FRMD4A: variants seen among roughly 807,000 people sequenced by gnomAD.
The protein encoded by FRMD4A is FERM domain containing 4A.
In FRMD4A, 29 loss-of-function variants were observed where a neutral mutation model predicts 129.1. That is an observed-to-expected ratio of 0.22 (90% CI 0.17 to 0.31). The LOEUF (loss-of-function observed/expected upper bound fraction) is 0.31. FRMD4A is among the 10% of genes least tolerant of loss of function. FRMD4A has a pLI of 1.00. For missense variants in FRMD4A, 1,272 were observed against 1,375.8 expected (o/e 0.92, Z 1.19); for synonymous variants, 634 against 571.6 (o/e 1.11, Z -1.56).
chr10:13,909,187 C>T (rs980476757), intron 2 of FRMD4A, among the ~76,000 whole-genome samples: 87 of 152,296 alleles, frequency 5.7e-4, no homozygotes, highest in Non-Finnish European at 1.5e-4. Context: ...CTATGTGAGA[C>T]ACAGTATGTG....
chr10:14,255,874 C>T (rs930268404), intron 2 of FRMD4A, among the ~76,000 whole-genome samples: 4 of 151,788 alleles, frequency 2.6e-5, no homozygotes, highest in Non-Finnish European at 5.9e-5. Flanking sequence ...GGTGTGGTGG[C>T]CTGCACCTTT....
intron 2 of FRMD4A, among the ~76,000 whole-genome samples, chr10:14,229,563 G>A (rs1364079737): frequency 6.6e-6 from 1 of 151,906 alleles, no homozygotes; most frequent in Admixed American, 6.6e-5. Flanking sequence ...GCAGCCTCCC[G>A]AGTAGCTGGG....
intron 2 of FRMD4A, among the ~76,000 whole-genome samples, chr10:14,091,017 A>G (rs1836630230): frequency 6.6e-6 from 1 of 152,118 alleles, no homozygotes; most frequent in African/African-American, 2.4e-5. Context: ...CCTAGTCACT[A>G]TCCCAGGTCC....
chr10:13,795,574 TTC>T (rs2093097803), intron 5 of FRMD4A, among the ~76,000 whole-genome samples: 2 of 152,232 alleles, frequency 1.3e-5, no homozygotes, highest in African/African-American at 2.4e-5. Flanking sequence ...GCTCCTGAAT[TTC>T]TGTTAGTATA....
chr10:13,807,706 C>T (rs904384133), intron 4 of FRMD4A, among the ~76,000 whole-genome samples: 2 of 152,078 alleles, frequency 1.3e-5, no homozygotes, highest in East Asian at 1.9e-4. Flanking sequence ...TCTCCAGTTT[C>T]ATCTAGATCC....
At chr10:13,717,648 G>C (rs1352463158) in intron 12 of FRMD4A, among the ~76,000 whole-genome samples, 1 of 133,834 alleles carries the variant, frequency 7.5e-6, no homozygotes, top group Non-Finnish European at 1.6e-5. Flanking sequence ...ATCAGGGTTT[G>C]ACTACTTTGG....
At chr10:13,983,837 T>TA (rs397946522) in intron 2 of FRMD4A, among the ~76,000 whole-genome samples, 21,574 of 143,628 alleles carry the variant, frequency 0.15, 3,379 homozygotes, top group African/African-American at 0.39. Flanking sequence ...TCGTCTCTAC[T>TA]AAAAAAAAAA....
intron 2 of FRMD4A, among the ~76,000 whole-genome samples, chr10:14,222,010 C>CT (rs1186259105): frequency 6.6e-6 from 1 of 152,148 alleles, no homozygotes; most frequent in Non-Finnish European, 1.5e-5. Context: ...TTTGCGGTCT[C>CT]TGTCTTTTTA....
intron 2 of FRMD4A, among the ~76,000 whole-genome samples, chr10:14,040,280 C>T (rs905096001): frequency 2.6e-5 from 4 of 152,040 alleles, no homozygotes; most frequent in Non-Finnish European, 4.4e-5. Context: ...CTCCCTGTCA[C>T]CGAGAGAAAA....
chr10:14,252,142 T>C (rs987414094), intron 2 of FRMD4A, among the ~76,000 whole-genome samples: 3 of 152,322 alleles, frequency 2.0e-5, no homozygotes, highest in Admixed American at 2.0e-4. Flanking sequence ...TTTTATTATG[T>C]TTGTTTCAGC....
At chr10:14,008,696 C>G (rs2292368) in intron 2 of FRMD4A, among the ~76,000 whole-genome samples, 1 of 152,054 alleles carries the variant, frequency 6.6e-6, no homozygotes. Flanking sequence ...GAATCCTACA[C>G]TCTGATTTCA....
intron 2 of FRMD4A, among the ~76,000 whole-genome samples, chr10:14,140,733 T>C (rs559755953): frequency 1.3e-5 from 2 of 152,280 alleles, no homozygotes; most frequent in East Asian, 3.9e-4. Context: ...TCAAAATCTA[T>C]GGGAATGGAG....
chr10:13,774,959 A>C (rs201344485), intron 6 of FRMD4A, among the ~76,000 whole-genome samples: 18 of 150,896 alleles, frequency 1.2e-4, no homozygotes, highest in South Asian at 2.1e-4. Context: ...AGAAAAAAAA[A>C]AACAACAAAA....
chr10:13,869,098 C>T (rs994861061), intron 2 of FRMD4A, among the ~76,000 whole-genome samples: 1 of 152,182 alleles, frequency 6.6e-6, no homozygotes, highest in African/African-American at 2.4e-5. Context: ...ATTCGGTTTT[C>T]TCTGATCATG....
chr10:13,933,967 T>C (rs376172095), intron 2 of FRMD4A, among the ~76,000 whole-genome samples: 86 of 152,304 alleles, frequency 5.6e-4, no homozygotes, highest in African/African-American at 2.0e-3. Flanking sequence ...GACAGCTCTA[T>C]AACTATTATG....
chr10:14,113,181 C>T (rs929064808), intron 2 of FRMD4A, among the ~76,000 whole-genome samples: 1 of 152,280 alleles, frequency 6.6e-6, no homozygotes, highest in Non-Finnish European at 1.5e-5. Flanking sequence ...ATAGATACAT[C>T]GTTTAAAAGT....
At chr10:13,800,697 A>G (rs996685799) in intron 4 of FRMD4A, among the ~76,000 whole-genome samples, 4 of 152,200 alleles carry the variant, frequency 2.6e-5, no homozygotes, top group African/African-American at 9.6e-5. Context: ...ATGAACTTCA[A>G]GGTGGGGACA....
At chr10:14,095,454 G>C (rs138439090) in intron 2 of FRMD4A, among the ~76,000 whole-genome samples, 3 of 152,294 alleles carry the variant, frequency 2.0e-5, no homozygotes, top group African/African-American at 7.2e-5. Context: ...TACAGTTGTC[G>C]ATTGAATTGG....
chr10:13,796,732 T>G, intron 4 of FRMD4A, 144 bp from the exon 5 acceptor site: 3 of 538,328 alleles, frequency 5.6e-6, no homozygotes, highest in Non-Finnish European at 1.0e-5. Context: ...TTAGTTTTTA[T>G]TTTTTTGAGA....
Sources: allele counts gnomAD v4.1 joint callset (sites outside exome capture counted in the v4.1 genomes callset), GRCh38; gene constraint gnomAD v4.1.1; transcripts MANE v1.5; gene names NCBI Gene and HGNC (gene_info 2026-07-23, HGNC 2026-07-21).